ZNF215: variants seen among roughly 807,000 people sequenced by gnomAD.
ZNF215 encodes the protein zinc finger protein 215, also known as BWSCR2-associated zinc finger protein 2.
Under a neutral mutation model 27.2 loss-of-function variants are expected in ZNF215, and 24 were observed. The ratio of observed to expected loss-of-function variants is 0.88; its 90% confidence interval spans 0.64 to 1.24. The LOEUF (loss-of-function observed/expected upper bound fraction) is 1.24, where lower values mean the gene tolerates loss of function less well. ZNF215 is among the 50% of genes most tolerant of loss of function. The probability of loss-of-function intolerance (pLI) is 0.00; values close to 1 mark genes in which losing one functional copy is unlikely to be tolerated. For synonymous variants in ZNF215, 210 were observed against 204.0 expected (o/e 1.03, Z -0.25); for missense variants, 675 against 605.7 (o/e 1.11, Z -1.20).
At chr11:6,984,456 T>C (rs1476420355) in exon 6 of ZNF215, 1 of 152,916 alleles carries the variant, frequency 6.5e-6, no homozygotes. Flanking sequence ...AGCTATTCTG[T>C]TTCTAGAAAC....
At chr11:6,980,663 G>T (rs1590088173) in intron 5 of ZNF215, among the ~76,000 whole-genome samples, 1 of 151,232 alleles carries the variant, frequency 6.6e-6, no homozygotes, top group Admixed American at 6.6e-5. Context: ...CATTGTGCAG[G>T]TTAGTTACAT....
intron 3 of ZNF215, among the ~76,000 whole-genome samples, chr11:6,939,363 G>C (rs1336771332): frequency 6.6e-6 from 1 of 152,158 alleles, no homozygotes; most frequent in Admixed American, 6.5e-5. Context: ...AGTACATTAG[G>C]CTCTCTGAGG....
At chr11:6,958,314 T>C (rs906461911), downstream of ZNF215, among the ~76,000 whole-genome samples, 3 of 152,236 alleles carry the variant, frequency 2.0e-5, no homozygotes, top group African/African-American at 7.2e-5. Context: ...TTTTGGATGG[T>C]TGAAAGATAG....
Position 6,957,952 on chromosome 11 carries a change from T to C in ZNF215, c.*1421T>C, listed in dbSNP as rs1850430752. 2.0e-6 allele frequency: 2 copies of C among 985,288 alleles called. No homozygotes were observed. The highest frequency in any genetic ancestry group is 2.4e-6 in the Non-Finnish European group (2 of 829,930). 61.0% of individuals were successfully genotyped at this position (985,288 alleles called of 1,614,324 possible). ...TCACACTGGAGACATTCCCAATTAATGATGATGGTAGCTTTTTGTGAAGGT... is the reference window on the plus strand; with the variant it reads ...TCACACTGGAGACATTCCCAATTAACGATGATGGTAGCTTTTTGTGAAGGT... On this transcript the variant is annotated 3_prime_UTR_variant, in exon 7 of 7. Transcript: ENST00000278319.
downstream of ZNF215, among the ~76,000 whole-genome samples, chr11:6,991,931 G>C (rs566235764): frequency 6.6e-6 from 1 of 152,268 alleles, no homozygotes; most frequent in East Asian, 1.9e-4. Flanking sequence ...ACCGCCTCTT[G>C]GTGTTCATAA....
chr11:6,964,332 G>C (rs1465316973), intron 5 of ZNF215, among the ~76,000 whole-genome samples: 1 of 151,986 alleles, frequency 6.6e-6, no homozygotes, highest in Non-Finnish European at 1.5e-5. Flanking sequence ...CATTGATTGT[G>C]CTTTCACTGT....
At chr11:6,966,714 T>C (rs143310173) in intron 5 of ZNF215, among the ~76,000 whole-genome samples, 189 of 152,082 alleles carry the variant, frequency 1.2e-3, no homozygotes, top group African/African-American at 4.3e-3. Context: ...TTTAATTTCA[T>C]TTTTATTATT....
chr11:6,971,686 G>T (rs1275871151), intron 5 of ZNF215, among the ~76,000 whole-genome samples: 1 of 152,072 alleles, frequency 6.6e-6, no homozygotes, highest in East Asian at 1.9e-4. Context: ...CAAGAAATAG[G>T]AATTAGAGAC....
At chr11:6,990,792 G>GCGCAC (rs1262152913), downstream of ZNF215, among the ~76,000 whole-genome samples, 2 of 29,182 alleles carry the variant, frequency 6.9e-5, no homozygotes, top group Non-Finnish European at 8.5e-5. Context: ...AGGGGACTTT[G>GCGCAC]AAAAAGAAGG....
At chr11:6,950,448 G>A (rs1231868500) in intron 6 of ZNF215, among the ~76,000 whole-genome samples, 2 of 152,042 alleles carry the variant, frequency 1.3e-5, no homozygotes, top group African/African-American at 4.8e-5. Context: ...GGTCCTTCAC[G>A]TCCCTTGTAA....
chr11:6,988,189 C>T (rs1305108357), downstream of ZNF215: 1 of 985,332 alleles, frequency 1.0e-6, no homozygotes, highest in Non-Finnish European at 1.2e-6. Context: ...ATACCCATGA[C>T]TTATACCTTC....
At chr11:6,993,820 T>C (rs1851146327), downstream of ZNF215, among the ~76,000 whole-genome samples, 1 of 152,196 alleles carries the variant, frequency 6.6e-6, no homozygotes, top group Admixed American at 6.5e-5. Context: ...CTTGTAGCAC[T>C]TTCCCCAGTC....
chr11:6,992,395 A>G (rs999902225), downstream of ZNF215, among the ~76,000 whole-genome samples: 5 of 152,256 alleles, frequency 3.3e-5, no homozygotes, highest in Admixed American at 1.3e-4. Flanking sequence ...GAAGACTGCT[A>G]ATAATGGCCA....
In ZNF215 at chr11:6,956,398, G is replaced by A. The variant is rs1850357090; in HGVS notation, c.1421G>A (p.Ser474Asn). ...CVNCGKSFNRSSSLIRHQMIH... is the reference protein window; with the variant it reads ...CVNCGKSFNRNSSLIRHQMIH... ...AACTGTGGAAAATCCTTCAACCGGA[G>A]CTCCTCTCTTATTCGACACCAAATG... Residue 474 changes from serine to asparagine, a missense_variant, in exon 7 of 7, where the codon AGC (serine) becomes AAC (asparagine). By Grantham distance (46) the Ser-to-Asn change is conservative. Coordinates refer to ENST00000278319, the MANE Select transcript of ZNF215 (RefSeq NM_013250.4). 6.2e-7 allele frequency: 1 copy of A among 1,614,000 alleles called. No individual in the cohort carries two copies. The highest frequency in any genetic ancestry group is 1.3e-5 in the African/African-American group (1 of 74,898).
chr11:6,930,511 AC>A (rs1849218614), intron 2 of ZNF215, among the ~76,000 whole-genome samples: 1 of 152,110 alleles, frequency 6.6e-6, no homozygotes, highest in South Asian at 2.1e-4. Context: ...CCTGGCTCTT[AC>A]CACTCATCTG....
At position 6,956,123 on chromosome 11, in the gene ZNF215, T is replaced by C. The variant is rs1054641703; in HGVS notation, c.1146T>C (p.Tyr382=). Residue 382 remains tyrosine (Y), a synonymous_variant, in exon 7 of 7, where the codon TAT becomes TAC. Transcript: ENST00000278319. ...SHTTMNSYEC[Y]QCGKAFCRSS... ...CTACAATGAATTCCTATGAATGTTA[T>C]CAATGTGGGAAAGCCTTCTGCCGAA... The C allele has an allele frequency of 1.9e-6, 3 of 1,613,814 alleles. No homozygotes were observed. Among genetic ancestry groups the C allele is most frequent in the Non-Finnish European group, 2.5e-6 (3 of 1,179,988 alleles).
chr11:6,953,484 T>C (rs893729045), intron 6 of ZNF215, among the ~76,000 whole-genome samples: 7 of 152,234 alleles, frequency 4.6e-5, no homozygotes, highest in African/African-American at 1.7e-4. Flanking sequence ...TTTCATTCAT[T>C]TCATCTTCCA....
In ZNF215 at chr11:6,941,687, AT is replaced by A. The variant is rs780643175; in HGVS notation, c.483+35del. The A allele has an allele frequency of 9.3e-6, 15 of 1,606,722 alleles. No individual in the cohort carries two copies. The African/African-American group carries it at 1.1e-4, about 11-fold the overall frequency. ...GGATTCTAGTCTTTACTGAACACAT[AT>A]GCTCATTTTTAGTATTACCTGCTTT... is the stretch of plus-strand genomic sequence containing the variant. On this transcript the variant is annotated intron_variant, in intron 4 of 6. Coordinates refer to ENST00000278319, the MANE Select transcript of ZNF215 (RefSeq NM_013250.4).
intron 5 of ZNF215, among the ~76,000 whole-genome samples, chr11:6,964,226 T>G (rs1170869791): frequency 6.6e-6 from 1 of 152,046 alleles, no homozygotes; most frequent in East Asian, 1.9e-4. Context: ...GTGTAAATAT[T>G]TTTTGCACAG....
Sources: gnomAD v4.1 joint callset for allele counts (sites outside exome capture counted in the v4.1 genomes callset) on GRCh38, gnomAD v4.1.1 for gene constraint, MANE v1.5 for transcripts, NCBI Gene and HGNC (gene_info 2026-07-23, HGNC 2026-07-21) for gene names.